Variants in CNOT6 observed in about 807,000 individuals in gnomAD.
CNOT6 encodes carbon catabolite repression 4 protein.
A neutral mutation model predicts 61.2 loss-of-function variants in CNOT6; 12 were observed. The ratio of observed to expected loss-of-function variants is 0.20; its 90% CI spans 0.13 to 0.32. CNOT6 has a LOEUF of 0.32. Among genes scored for constraint, CNOT6 ranks in the 10% least tolerant of loss-of-function variants. CNOT6 has a pLI of 1.00. For missense variants in CNOT6, 405 were observed against 663.9 expected (o/e 0.61, Z 4.28); for synonymous variants, 225 against 240.6 (o/e 0.94, Z 0.60).
chr5:180,527,702 T>A (rs921492068), intron 1 of CNOT6, among the ~76,000 whole-genome samples: 2 of 152,150 alleles, frequency 1.3e-5, no homozygotes, highest in African/African-American at 4.8e-5. Context: ...ACGTAATGTC[T>A]GGTTGTCCTA....
intron 1 of CNOT6, among the ~76,000 whole-genome samples, chr5:180,495,084 T>A (rs2127683522): frequency 6.6e-6 from 1 of 152,072 alleles, no homozygotes; most frequent in Non-Finnish European, 1.5e-5. Context: ...AGGAGGCGAG[T>A]CCGTGTCCCG....
At chr5:180,515,762 T>C (rs74663489) in intron 1 of CNOT6, among the ~76,000 whole-genome samples, 1 of 152,156 alleles carries the variant, frequency 6.6e-6, no homozygotes, top group Non-Finnish European at 1.5e-5. Flanking sequence ...AGTTTATTTC[T>C]TCCTCCTTAC....
At chr5:180,525,670 G>A (rs1758067698) in intron 1 of CNOT6, among the ~76,000 whole-genome samples, 1 of 152,182 alleles carries the variant, frequency 6.6e-6, no homozygotes, top group African/African-American at 2.4e-5. Flanking sequence ...GTAACAGTGG[G>A]CAAATTGCTT....
chr5:180,539,899 C>T (rs1172272226), intron 2 of CNOT6, among the ~76,000 whole-genome samples: 1 of 152,012 alleles, frequency 6.6e-6, no homozygotes. Flanking sequence ...TGTTCATTTT[C>T]ATTTGAATTC....
In CNOT6 at chr5:180,552,139, G is replaced by A. The variant is rs912482886; in HGVS notation, c.300-1247G>A. Among the ~76,000 whole-genome samples, 14 of 151,752 alleles carry A rather than the reference G, an allele frequency of 9.2e-5. No individual in the cohort carries two copies. In the East Asian group the frequency reaches 2.8e-3, roughly 30 times the overall value. Reference sequence around the variant, plus strand: ...CTGCCTCGGCCTCCCAAAGTGCTGGGATTACAGGCGTGAGCCACCGTGCCC... The same window carrying A: ...CTGCCTCGGCCTCCCAAAGTGCTGGAATTACAGGCGTGAGCCACCGTGCCC... On this transcript the variant is annotated intron_variant, in intron 3 of 11. Coordinates refer to ENST00000261951, the MANE Select transcript of CNOT6 (RefSeq NM_001370472.1).
chr5:180,551,872 CTT>C (rs762227651), intron 3 of CNOT6, among the ~76,000 whole-genome samples: 23 of 140,510 alleles, frequency 1.6e-4, no homozygotes, highest in Admixed American at 4.3e-4. Flanking sequence ...TTTTCTTTTT[CTT>C]TTTTTTTTTT....
chr5:180,576,682 TA>T lies in CNOT6; in HGVS notation c.*2483del, dbSNP rs1761011315. On this transcript the variant is annotated 3_prime_UTR_variant, in exon 12 of 12. Coordinates refer to ENST00000261951, the MANE Select transcript of CNOT6 (RefSeq NM_001370472.1). Reference sequence around the variant, plus strand: ...AAGAGGAAGAACTATTTGGGGTCTGTAGGTAATGAACAGTCACACCAAAATA... The same window carrying T: ...AAGAGGAAGAACTATTTGGGGTCTGTGGTAATGAACAGTCACACCAAAATA... 6.6e-6 allele frequency: 1 copy of T among 152,232 alleles called. No homozygotes were observed. The highest frequency in any genetic ancestry group is 1.5e-5 in the Non-Finnish European group (1 of 68,036). The allele number at this position is 152,232 out of a possible 1,614,324, so 9.4% of individuals were successfully genotyped here. A position where few individuals can be genotyped will look rare whatever the true frequency, so the allele number is the denominator to read the frequency against.
At chr5:180,534,699 G>A (rs111796512) in intron 2 of CNOT6, 1 of 126,970 alleles carries the variant, frequency 7.9e-6, no homozygotes. Flanking sequence ...CATGGCATGG[G>A]CCGGAGTCCC....
intron 1 of CNOT6, among the ~76,000 whole-genome samples, chr5:180,506,713 T>C: frequency 6.6e-6 from 1 of 152,336 alleles, no homozygotes; most frequent in East Asian, 1.9e-4. Flanking sequence ...GTCCTTTCTA[T>C]TTTCTCTAGA....
chr5:180,553,564 AGACTCATTT>A, intron 4 of CNOT6, 93 bp downstream of exon 4: 2 of 884,368 alleles, frequency 2.3e-6, no homozygotes. Flanking sequence ...ATTCTTTTAA[AGACTCATTT>A]TCCCCCAGAC....
In CNOT6 at chr5:180,578,108, G is replaced by A. The variant is rs371698431; in HGVS notation, c.*3908G>A. On this transcript the variant is annotated 3_prime_UTR_variant, in exon 12 of 12. Coordinates refer to ENST00000261951, the MANE Select transcript of CNOT6 (RefSeq NM_001370472.1). ...TCAGCCTTCCAAAGGGAAGAGTGCA[G>A]GGGGACGGGGCCATGATATGGGGAA... 1.3e-5 allele frequency: 2 copies of A among 152,622 alleles called. No individual in the cohort carries two copies. Among genetic ancestry groups the A allele is most frequent in the East Asian group, 3.8e-4 (2 of 5,202 alleles). The allele number at this position is 152,622 out of a possible 1,614,324, so 9.5% of individuals were successfully genotyped here. A position where few individuals can be genotyped will look rare whatever the true frequency, so the allele number is the denominator to read the frequency against.
chr5:180,520,894 G>T (rs1442496451), intron 1 of CNOT6, among the ~76,000 whole-genome samples: 1 of 150,348 alleles, frequency 6.7e-6, no homozygotes, highest in East Asian at 2.0e-4. Context: ...GCCCAGGCTG[G>T]AGTGCAGTGG....
In CNOT6 at chr5:180,569,092, C is replaced by T. The variant is rs774547243; in HGVS notation, c.1028-18C>T. 1.1e-5 allele frequency: 18 copies of T among 1,587,516 alleles called. No individual in the cohort carries two copies. Among genetic ancestry groups the T allele is most frequent in the South Asian group, 3.3e-5 (3 of 89,706 alleles). On this transcript the variant is annotated intron_variant, in intron 9 of 11. Coordinates refer to ENST00000261951, the MANE Select transcript of CNOT6 (RefSeq NM_001370472.1). ...GCGGGTTTTGTCTCTTTCTTTGTTT[C>T]GTTTTTATCTAATGTAGCCGGAAAG... is the stretch of plus-strand genomic sequence containing the variant.
chr5:180,559,278 T>C (rs143631026), intron 4 of CNOT6, among the ~76,000 whole-genome samples: 1 of 152,348 alleles, frequency 6.6e-6, no homozygotes, highest in East Asian at 1.9e-4. Flanking sequence ...GCATAAAATA[T>C]TTTGTGCTTC....
rs142044759 is a variant in CNOT6, at chr5:180,557,142, C to A, written c.385+3671C>A. On this transcript the variant is annotated intron_variant, in intron 4 of 11. Transcript: ENST00000261951. Reference sequence around the variant, plus strand: ...GTCTCGTGGTTAGTTTAACCATTTACCTGCTGAAGGAAATCTGGGTGGCTT... The same window carrying A: ...GTCTCGTGGTTAGTTTAACCATTTAACTGCTGAAGGAAATCTGGGTGGCTT... Among the ~76,000 whole-genome samples the A allele has an allele frequency of 7.9e-5, 12 of 152,242 alleles. No individual in the cohort carries two copies. The East Asian group carries it at 2.3e-3, about 29-fold the overall frequency.
At chr5:180,562,516 G>A (rs151275181) in intron 4 of CNOT6, among the ~76,000 whole-genome samples, 2,877 of 152,246 alleles carry the variant, frequency 0.019, 37 homozygotes, top group Non-Finnish European at 0.027. Flanking sequence ...CGAGTCGGGT[G>A]GATCACGAGG....
At chr5:180,561,441 C>G (rs1475177465) in intron 4 of CNOT6, among the ~76,000 whole-genome samples, 2 of 144,828 alleles carry the variant, frequency 1.4e-5, no homozygotes, top group African/African-American at 2.6e-5. Flanking sequence ...TGTCATGATT[C>G]CTTTGTCTTG....
chr5:180,554,517 G>GT (rs11391000), intron 4 of CNOT6, among the ~76,000 whole-genome samples: 42,610 of 151,378 alleles, frequency 0.28, 7,003 homozygotes, highest in Middle Eastern at 0.43. Flanking sequence ...TAAAAGAACA[G>GT]TTTTTTTTAA....
chr5:180,533,334 A>G (rs935616242), intron 2 of CNOT6, among the ~76,000 whole-genome samples: 1 of 100,110 alleles, frequency 1.0e-5, no homozygotes, highest in African/African-American at 3.4e-5. Context: ...ATATATATAT[A>G]TATATATATC....
Sources: gnomAD v4.1 joint callset for allele counts (sites outside exome capture counted in the v4.1 genomes callset) on GRCh38, gnomAD v4.1.1 for gene constraint, MANE v1.5 for transcripts, NCBI Gene and HGNC (gene_info 2026-07-23, HGNC 2026-07-21) for gene names.